Variants in RPS6KB1 observed in about 807,000 individuals in gnomAD.
RPS6KB1 encodes ribosomal protein S6 kinase B1, also known as ribosomal protein S6 kinase beta-1.
Under a neutral mutation model 70.2 loss-of-function variants are expected in RPS6KB1, and 12 were observed. That is an observed-to-expected ratio of 0.17 (90% CI 0.11 to 0.28). RPS6KB1 has a LOEUF of 0.28. Ranked by LOEUF, RPS6KB1 falls within the 10% of genes least tolerant of loss-of-function variation. RPS6KB1 has a pLI of 1.00. For missense variants in RPS6KB1, 270 were observed against 646.6 expected (o/e 0.42, Z 6.32); for synonymous variants, 175 against 211.2 (o/e 0.83, Z 1.49).
chr17:59,906,087 A>G (rs1333223639), intron 1 of RPS6KB1, among the ~76,000 whole-genome samples: 1 of 152,228 alleles, frequency 6.6e-6, no homozygotes, highest in Non-Finnish European at 1.5e-5. Flanking sequence ...GTGGATATCC[A>G]GTTGTTCCAA....
intron 1 of RPS6KB1, among the ~76,000 whole-genome samples, chr17:59,901,557 AGGCAGATGGAGC>A (rs1368813564): frequency 2.9e-4 from 44 of 150,400 alleles, no homozygotes; most frequent in African/African-American, 1.0e-3. Flanking sequence ...TGGGAGGCCA[AGGCAGATGGAGC>A]GCATGAGCCT....
chr17:59,934,990 G>C lies in RPS6KB1; in HGVS notation c.871-203G>C, dbSNP rs2531898. On this transcript the variant is annotated intron_variant, in intron 9 of 14. Coordinates refer to ENST00000225577, the MANE Select transcript of RPS6KB1 (RefSeq NM_003161.4). The surrounding 1 kb of genome is among the most constrained non-coding windows in gnomAD (Gnocchi z 4.8). ...TCATTTGAGCTAAGGATTATTAATA[G>C]AATCTAGCCTTGACAACATAGTTGA... 88,570 of 460,710 alleles carry C rather than the reference G, an allele frequency of 0.19. 10,103 individuals are homozygous for C. The highest frequency in any genetic ancestry group is 0.42 in the East Asian group (10,640 of 25,196). 28.5% of individuals were successfully genotyped at this position (460,710 alleles called of 1,614,324 possible). A position where few individuals can be genotyped will look rare whatever the true frequency, so the allele number is the denominator to read the frequency against.
At chr17:59,944,675 T>A (rs551987445) in intron 13 of RPS6KB1, among the ~76,000 whole-genome samples, 52 of 152,340 alleles carry the variant, frequency 3.4e-4, no homozygotes, top group African/African-American at 1.2e-3. Flanking sequence ...GTCAGAAAAT[T>A]GTTTTTACTT....
intron 4 of RPS6KB1, among the ~76,000 whole-genome samples, chr17:59,925,162 G>A (rs1382820699): frequency 1.3e-5 from 2 of 152,066 alleles, no homozygotes; most frequent in Non-Finnish European, 2.9e-5. Context: ...TTTGTTACAT[G>A]TTGTGTAGAT....
chr17:59,929,828 C>T (rs1192748680), intron 5 of RPS6KB1, among the ~76,000 whole-genome samples: 2 of 152,014 alleles, frequency 1.3e-5, no homozygotes. Flanking sequence ...ATTTTTTAAC[C>T]TCAGGTCTGG....
chr17:59,919,602 G>A (rs138215207), intron 4 of RPS6KB1, among the ~76,000 whole-genome samples: 264 of 152,158 alleles, frequency 1.7e-3, no homozygotes, highest in Non-Finnish European at 3.0e-3. Context: ...CTCTCAACAC[G>A]CGGACTTTCA....
chr17:59,940,747 C>T (rs1485598514), intron 12 of RPS6KB1, 89 bp from the exon 13 acceptor site: 12 of 724,782 alleles, frequency 1.7e-5, no homozygotes, highest in African/African-American at 3.6e-5. Flanking sequence ...AGTTAACCCC[C>T]GTGAAAAGAG....
At chr17:59,910,491 G>A in intron 1 of RPS6KB1, 71 bp from the exon 2 acceptor site, 1 of 927,922 alleles carries the variant, frequency 1.1e-6, no homozygotes, top group Non-Finnish European at 1.7e-6. Flanking sequence ...TTTCAGTTAT[G>A]AGACAAAGAA....
At chr17:59,915,786 T>TTTA (rs1568429598) in intron 4 of RPS6KB1, among the ~76,000 whole-genome samples, 1 of 123,378 alleles carries the variant, frequency 8.1e-6, no homozygotes, top group African/African-American at 3.3e-5. Context: ...TTTTTTTTTT[T>TTTA]TTTTTTTTTT....
chr17:59,893,708 G>A lies in RPS6KB1; in HGVS notation c.141+383G>A, dbSNP rs781406634. On this transcript the variant is annotated intron_variant, in intron 1 of 14. Transcript: ENST00000225577. This position sits in a 1 kb window ranked among gnomAD's most constrained non-coding sequence, Gnocchi z 4.1. ...CCGTAAGTGCAGGCGAAGTGTGGAG[G>A]GTTTCCCTTCGAGTCTAGAATTTCA... 105 of 898,122 alleles carry A rather than the reference G, an allele frequency of 1.2e-4. No homozygotes were observed. The highest frequency in any genetic ancestry group is 1.4e-4 in the Non-Finnish European group (104 of 740,316). 55.6% of individuals were successfully genotyped at this position (898,122 alleles called of 1,614,324 possible).
rs576771849 is a variant in RPS6KB1 at position 59,936,358 on chromosome 17, A to T, written c.1041+81A>T. On this transcript the variant is annotated intron_variant, in intron 11 of 14. Coordinates refer to ENST00000225577, the MANE Select transcript of RPS6KB1 (RefSeq NM_003161.4). ...TTCTGAGGGTTATATGTAGTTGCTT[A>T]TAAGTTTAGCTTATTTTGTGACTTG... 1.3e-5 allele frequency: 19 copies of T among 1,510,006 alleles called. No individual in the cohort carries two copies. The East Asian group carries it at 4.1e-4, about 32-fold the overall frequency. 93.5% of individuals were successfully genotyped at this position (1,510,006 alleles called of 1,614,324 possible).
chr17:59,906,778 C>T (rs2042289224), intron 1 of RPS6KB1, among the ~76,000 whole-genome samples: 1 of 152,104 alleles, frequency 6.6e-6, no homozygotes, highest in Admixed American at 6.6e-5. Context: ...ACCGCAACGT[C>T]TGCCTTACGG....
intron 5 of RPS6KB1, among the ~76,000 whole-genome samples, chr17:59,928,316 T>A (rs2043741017): frequency 1.3e-5 from 2 of 152,184 alleles, no homozygotes; most frequent in South Asian, 4.1e-4. Context: ...TTTGAACTGT[T>A]TAAGAGAGTG....
intron 1 of RPS6KB1, among the ~76,000 whole-genome samples, chr17:59,894,342 C>T (rs1169871112): frequency 2.0e-5 from 3 of 152,050 alleles, no homozygotes; most frequent in African/African-American, 7.2e-5. Flanking sequence ...CATACTAAAT[C>T]ACTGATCCTG....
intron 1 of RPS6KB1, among the ~76,000 whole-genome samples, chr17:59,902,919 G>A (rs868406419): frequency 6.6e-6 from 1 of 152,096 alleles, no homozygotes; most frequent in Non-Finnish European, 1.5e-5. Context: ...GGGGGCTCAT[G>A]CCTATAATCC....
rs1268758811 is a variant in RPS6KB1 at position 59,949,540 on chromosome 17, GATTTT to G, written c.*2755_*2759del. The G allele has an allele frequency of 2.0e-5, 3 of 152,004 alleles. No homozygotes were observed. The highest frequency in any genetic ancestry group is 6.6e-5 in the Admixed American group (1 of 15,214). The allele number at this position is 152,004 out of a possible 1,614,324, so 9.4% of individuals were successfully genotyped here. A position where few individuals can be genotyped will look rare whatever the true frequency, so the allele number is the denominator to read the frequency against. The stretch of plus-strand genomic sequence containing the variant: ...TATAATCACTGAAGTTTACTAATTT[GATTTT>G]ATAAGGTTTGTAGCATTACAGAATA... On this transcript the variant is annotated 3_prime_UTR_variant, in exon 15 of 15. Coordinates refer to ENST00000225577, the MANE Select transcript of RPS6KB1 (RefSeq NM_003161.4).
At chr17:59,908,522 G>A (rs2042402844) in intron 1 of RPS6KB1, among the ~76,000 whole-genome samples, 1 of 150,666 alleles carries the variant, frequency 6.6e-6, no homozygotes, top group Non-Finnish European at 1.5e-5. Context: ...TTTTCGAATA[G>A]ATAAATGTAC....
chr17:59,898,863 A>G (rs1160671846), intron 1 of RPS6KB1, among the ~76,000 whole-genome samples: 1 of 151,866 alleles, frequency 6.6e-6, no homozygotes, highest in African/African-American at 2.4e-5. Flanking sequence ...CACAGCAGAC[A>G]TTGGATAGGC....
intron 12 of RPS6KB1, among the ~76,000 whole-genome samples, chr17:59,940,350 G>A (rs1430116139): frequency 2.2e-5 from 3 of 134,838 alleles, no homozygotes; most frequent in Non-Finnish European, 3.1e-5. Flanking sequence ...GCAGTGGCAC[G>A]ATCTCTGCTT....
Sources: allele counts gnomAD v4.1 joint callset (sites outside exome capture counted in the v4.1 genomes callset), GRCh38; gene constraint gnomAD v4.1.1; non-coding constraint Gnocchi (gnomAD v3.1); transcripts MANE v1.5; gene names NCBI Gene and HGNC (gene_info 2026-07-23, HGNC 2026-07-21).